Variants in BMPR1B observed in about 807,000 individuals in gnomAD.
BMPR1B encodes bone morphogenetic protein receptor type 1B.
A neutral mutation model predicts 59.1 loss-of-function variants in BMPR1B; 12 were observed. The ratio of observed to expected loss-of-function variants is 0.20; its 90% CI spans 0.13 to 0.33. The LOEUF (loss-of-function observed/expected upper bound fraction) is 0.33, where lower values mean the gene tolerates loss of function less well. BMPR1B is among the 10% of genes least tolerant of loss of function. The pLI, the probability that BMPR1B is intolerant of heterozygous loss-of-function variation, is 1.00. For missense variants in BMPR1B, 550 were observed against 610.9 expected, an observed-to-expected ratio of 0.90 and a Z score of 1.05; for synonymous variants, 237 against 207.3, an observed-to-expected ratio of 1.14 and a Z score of -1.23.
intron 3 of BMPR1B, among the ~76,000 whole-genome samples, chr4:95,091,121 G>T (rs1729948031): frequency 6.6e-6 from 1 of 152,070 alleles, no homozygotes; most frequent in Non-Finnish European, 1.5e-5. Flanking sequence ...TAGATTTCTA[G>T]ATATTTAAAT....
At chr4:94,925,936 C>G (rs1412251852) in intron 2 of BMPR1B, among the ~76,000 whole-genome samples, 1 of 151,944 alleles carries the variant, frequency 6.6e-6, no homozygotes, top group Non-Finnish European at 1.5e-5. Flanking sequence ...GCAAAGATTA[C>G]CTGCAAGGCA....
At position 95,154,655 on chromosome 4, in the gene BMPR1B, C is replaced by G; in HGVS notation, c.1491C>G (p.Ser497=). ...AAACACTTGCCAAAATGTCAGAGTC[C>G]CAGGACATTAAACTCTGATAGGAGA... is the stretch of plus-strand genomic sequence containing the variant. ...VKKTLAKMSE[S]QDIKL The change falls in exon 13 of 13, where the codon TCC becomes TCG. Residue 497 remains serine (S), a synonymous_variant. Transcript: ENST00000515059. The G allele has an allele frequency of 6.2e-7, 1 of 1,614,020 alleles. No individual in the cohort carries two copies. Among genetic ancestry groups the G allele is most frequent in the Non-Finnish European group, 8.5e-7 (1 of 1,179,956 alleles).
At chr4:94,974,391 AG>A (rs1337153829) in intron 2 of BMPR1B, among the ~76,000 whole-genome samples, 1 of 152,024 alleles carries the variant, frequency 6.6e-6, no homozygotes, top group Non-Finnish European at 1.5e-5. Context: ...GAATCTTATC[AG>A]CTACCTTTAC....
In BMPR1B at chr4:94,865,388, G is replaced by GTT. The variant is rs59399150; in HGVS notation, c.-182-10433_-182-10432dup. On this transcript the variant is annotated intron_variant, in intron 1 of 12. Coordinates refer to ENST00000515059, the MANE Select transcript of BMPR1B (RefSeq NM_001203.3). ...CTAAACACAAACCTGTTCATGCTGG[G>GTT]TTTTTTTTTTTAATTTTTTTGAGAC... 1.1e-3 allele frequency among the ~76,000 whole-genome samples: 163 copies of GTT among 142,932 alleles called. 1 individual carries two copies. Among genetic ancestry groups the GTT allele is most frequent in the African/African-American group, 3.7e-3 (146 of 39,312 alleles). 93.8% of individuals were successfully genotyped at this position (142,932 alleles called of 152,430 possible).
At position 95,149,007 on chromosome 4, in the gene BMPR1B, AC is replaced by A. The variant is rs1431481488; in HGVS notation, c.1252+85del. On this transcript the variant is annotated intron_variant, in intron 11 of 12. Coordinates refer to ENST00000515059, the MANE Select transcript of BMPR1B (RefSeq NM_001203.3). ...TCTGATCAGAAATCAAAGTTATCAT[AC>A]TGTCTATAAGATCTGGTTTTATTTT... 2.6e-6 allele frequency: 4 copies of A among 1,523,234 alleles called. No individual in the cohort carries two copies. In the African/African-American group the frequency reaches 5.5e-5, roughly 21 times the overall value. 94.4% of individuals were successfully genotyped at this position (1,523,234 alleles called of 1,614,324 possible).
At chr4:94,848,653 A>G (rs1725439542) in intron 1 of BMPR1B, among the ~76,000 whole-genome samples, 1 of 152,126 alleles carries the variant, frequency 6.6e-6, no homozygotes, top group Non-Finnish European at 1.5e-5. Flanking sequence ...TTTTGATCAC[A>G]TGGATAATAT....
At chr4:95,044,662 G>A (rs1212491906) in intron 3 of BMPR1B, among the ~76,000 whole-genome samples, 3 of 152,160 alleles carry the variant, frequency 2.0e-5, no homozygotes, top group Admixed American at 2.0e-4. Flanking sequence ...GCTCGTTCAA[G>A]GGAGAAAGGG....
At chr4:94,845,215 C>T (rs1047079995) in intron 1 of BMPR1B, among the ~76,000 whole-genome samples, 2 of 151,974 alleles carry the variant, frequency 1.3e-5, no homozygotes, top group African/African-American at 4.8e-5. Flanking sequence ...ATATAAGGGA[C>T]TATTTTTAAA....
chr4:94,810,169 G>C (rs889255417), intron 1 of BMPR1B, among the ~76,000 whole-genome samples: 6 of 152,124 alleles, frequency 3.9e-5, no homozygotes, highest in Non-Finnish European at 7.4e-5. Context: ...TATTCCCTTA[G>C]CATTCCACAT....
At chr4:94,784,788 C>A (rs1722704037) in intron 1 of BMPR1B, among the ~76,000 whole-genome samples, 1 of 152,156 alleles carries the variant, frequency 6.6e-6, no homozygotes. Flanking sequence ...ACAGTAGCAG[C>A]TCATGTCATT....
At chr4:95,071,890 C>T (rs1470000615) in intron 3 of BMPR1B, among the ~76,000 whole-genome samples, 1 of 151,536 alleles carries the variant, frequency 6.6e-6, no homozygotes, top group African/African-American at 2.4e-5. Flanking sequence ...TGGGGTTCTC[C>T]AGAGAAACAG....
rs147320212 is a variant in BMPR1B at position 95,114,726 on chromosome 4, C to T, written c.150C>T (p.Asp50=). 1.1e-4 allele frequency: 183 copies of T among 1,612,854 alleles called. No homozygotes were observed. The highest frequency in any genetic ancestry group is 1.4e-4 in the Non-Finnish European group (170 of 1,179,268). Reference sequence around the variant, plus strand: ...TTGCTTGTTTGATCTTCAGCACAGACGGATATTGTTTCACGATGATAGAAG... The same window carrying T: ...TTGCTTGTTTGATCTTCAGCACAGATGGATATTGTTTCACGATGATAGAAG... ...EDSVNNICST[D]GYCFTMIEED... Residue 50 remains aspartate (D), a synonymous_variant, in exon 5 of 13, where the codon GAC becomes GAT. Transcript: ENST00000515059.
intron 1 of BMPR1B, among the ~76,000 whole-genome samples, chr4:94,859,313 G>A (rs995251468): frequency 6.6e-6 from 1 of 152,052 alleles, no homozygotes; most frequent in African/African-American, 2.4e-5. Context: ...AAAAACTTCC[G>A]TCTTTTAAAT....
At chr4:94,868,693 G>A (rs1057370667) in intron 1 of BMPR1B, among the ~76,000 whole-genome samples, 2 of 152,164 alleles carry the variant, frequency 1.3e-5, no homozygotes, top group Non-Finnish European at 2.9e-5. Context: ...TTGAGGCTGT[G>A]AACAACAGAG....
intron 3 of BMPR1B, among the ~76,000 whole-genome samples, chr4:95,028,320 G>A (rs1578953639): frequency 6.6e-6 from 1 of 152,212 alleles, no homozygotes; most frequent in Non-Finnish European, 1.5e-5. Context: ...AACTGTAGCA[G>A]TTGGTTGGTA....
intron 2 of BMPR1B, among the ~76,000 whole-genome samples, chr4:94,951,963 A>T (rs926854159): frequency 1.3e-5 from 2 of 151,992 alleles, no homozygotes; most frequent in African/African-American, 4.8e-5. Flanking sequence ...CAGGGATTCG[A>T]CTTCTTCCTG....
At chr4:94,907,556 G>A (rs947402133) in intron 2 of BMPR1B, among the ~76,000 whole-genome samples, 9 of 151,822 alleles carry the variant, frequency 5.9e-5, no homozygotes, top group East Asian at 1.9e-4. Context: ...TCAGTAACTC[G>A]TCTATTAAGA....
At chr4:94,813,871 A>T (rs767034867) in intron 1 of BMPR1B, among the ~76,000 whole-genome samples, 6 of 152,106 alleles carry the variant, frequency 3.9e-5, no homozygotes, top group Admixed American at 6.5e-5. Context: ...TGACACTAGG[A>T]TTTTTGGTCT....
At chr4:95,106,433 C>T (rs1731204640) in intron 4 of BMPR1B, among the ~76,000 whole-genome samples, 2 of 151,992 alleles carry the variant, frequency 1.3e-5, no homozygotes, top group Admixed American at 1.3e-4. Context: ...AGAAAATGAT[C>T]TTGAGCTAGG....
Sources: gnomAD v4.1 joint callset for allele counts (sites outside exome capture counted in the v4.1 genomes callset) on GRCh38, gnomAD v4.1.1 for gene constraint, MANE v1.5 for transcripts, NCBI Gene and HGNC (gene_info 2026-07-23, HGNC 2026-07-21) for gene names.